PARP8: variants seen among roughly 807,000 people sequenced by gnomAD.
The protein encoded by PARP8 is protein mono-ADP-ribosyltransferase PARP8.
PARP8 carries 51 observed loss-of-function variants against 124.1 expected under a neutral mutation model. The observed-to-expected ratio is 0.41, with a 90% CI of 0.33 to 0.52. PARP8 has a LOEUF of 0.52. PARP8 is among the 20% of genes least tolerant of loss of function. The pLI, the probability that PARP8 is intolerant of heterozygous loss-of-function variation, is 0.21. For missense variants in PARP8, 860 were observed against 1,018.9 expected (o/e 0.84, Z 2.12); for synonymous variants, 391 against 361.5 (o/e 1.08, Z -0.93).
At position 50,795,174 on chromosome 5, in the gene PARP8, T is replaced by G; in HGVS notation, c.1185T>G (p.Cys395Trp). The change falls in exon 12 of 26, where the codon TGT (cysteine) becomes TGG (tryptophan). Residue 395 changes from cysteine to tryptophan, a missense_variant. Cys to Trp is a radical substitution (Grantham distance 215). Transcript: ENST00000281631. ...GATCTTGTTCTGGAGATCCACGATGTGAGCACAACACAAACTTGAAGCCCC... is the reference window on the plus strand; with the variant it reads ...GATCTTGTTCTGGAGATCCACGATGGGAGCACAACACAAACTTGAAGCCCC... Reference protein sequence around the residue: ...LTRSCSGDPRCEHNTNLKPHK... With the variant: ...LTRSCSGDPRWEHNTNLKPHK... 6 of 1,614,226 alleles carry G rather than the reference T, an allele frequency of 3.7e-6. 1 individual carries two copies. Among genetic ancestry groups the G allele is most frequent in the Non-Finnish European group, 3.4e-6 (4 of 1,180,032 alleles).
chr5:50,698,079 G>T (rs1451321479), intron 2 of PARP8, among the ~76,000 whole-genome samples: 3 of 152,126 alleles, frequency 2.0e-5, no homozygotes, highest in Non-Finnish European at 2.9e-5. Flanking sequence ...TACACATTTA[G>T]ATATGACTAT....
At chr5:50,743,392 G>T (rs1286390129) in intron 2 of PARP8, among the ~76,000 whole-genome samples, 2 of 152,060 alleles carry the variant, frequency 1.3e-5, no homozygotes, top group African/African-American at 2.4e-5. Context: ...TTTGGGAACT[G>T]AATGGCATTA....
intron 17 of PARP8, among the ~76,000 whole-genome samples, chr5:50,822,624 AACTCGG>A (rs1745891160): frequency 2.6e-5 from 4 of 152,186 alleles, no homozygotes; most frequent in African/African-American, 9.7e-5. Context: ...TCTGCCCTCA[AACTCGG>A]GCAAGAGCTT....
intron 25 of PARP8, among the ~76,000 whole-genome samples, chr5:50,840,505 AG>A (rs895612944): frequency 1.3e-5 from 2 of 151,874 alleles, no homozygotes; most frequent in African/African-American, 4.8e-5. Context: ...TAGCAGTCCT[AG>A]GGTCAAAAAA....
intron 7 of PARP8, among the ~76,000 whole-genome samples, chr5:50,767,873 T>C (rs1761208940): frequency 6.6e-6 from 1 of 152,230 alleles, no homozygotes; most frequent in East Asian, 1.9e-4. Flanking sequence ...AAGGTGTATG[T>C]ATCTTCACAA....
At chr5:50,799,814 G>T (rs1742993830) in intron 14 of PARP8, among the ~76,000 whole-genome samples, 1 of 152,114 alleles carries the variant, frequency 6.6e-6, no homozygotes, top group Non-Finnish European at 1.5e-5. Flanking sequence ...AGAGCACAAA[G>T]AGCTCTCTCA....
chr5:50,804,571 A>G (rs1254377041), intron 14 of PARP8, among the ~76,000 whole-genome samples: 1 of 152,196 alleles, frequency 6.6e-6, no homozygotes, highest in Non-Finnish European at 1.5e-5. Flanking sequence ...TGGAAACAAA[A>G]TACATCATTC....
At chr5:50,726,505 C>T (rs530923900) in intron 2 of PARP8, among the ~76,000 whole-genome samples, 2 of 152,246 alleles carry the variant, frequency 1.3e-5, no homozygotes, top group Admixed American at 1.3e-4. Flanking sequence ...CATCACTAAC[C>T]ACTGTAAAGC....
At chr5:50,700,020 G>C (rs1753425774) in intron 2 of PARP8, among the ~76,000 whole-genome samples, 2 of 152,096 alleles carry the variant, frequency 1.3e-5, no homozygotes, top group African/African-American at 4.8e-5. Flanking sequence ...AAGTAAACTA[G>C]ACTAAATAGT....
At chr5:50,822,807 G>A (rs1242606547) in intron 17 of PARP8, among the ~76,000 whole-genome samples, 4 of 152,160 alleles carry the variant, frequency 2.6e-5, no homozygotes. Context: ...TTTATATAAT[G>A]CAAAATCCCA....
chr5:50,826,090 C>A (rs980263852), intron 18 of PARP8, among the ~76,000 whole-genome samples: 1 of 151,856 alleles, frequency 6.6e-6, no homozygotes, highest in African/African-American at 2.4e-5. Context: ...TAGTTGCTTT[C>A]TTTTTTTCCT....
intron 1 of PARP8, 73 bp from the exon 2 acceptor site, chr5:50,667,998 G>A: frequency 6.2e-7 from 1 of 1,609,116 alleles, no homozygotes; most frequent in Admixed American, 1.7e-5. Flanking sequence ...CACCGAATGT[G>A]GGGCTCAAGT....
At position 50,846,090 on chromosome 5, in the gene PARP8, AATAGTGCTTATTTAC is replaced by A. The variant is rs1187286216; in HGVS notation, c.*4028_*4042del. On this transcript the variant is annotated 3_prime_UTR_variant, in exon 26 of 26. Transcript: ENST00000281631. Reference sequence around the variant, plus strand: ...CACATTTACCAGCAAGTCAGTAAAAAATAGTGCTTATTTACATAGTCAATATAATTTAATGTTCTA... The same window carrying A: ...CACATTTACCAGCAAGTCAGTAAAAAATAGTCAATATAATTTAATGTTCTA... 2 of 151,836 alleles carry A rather than the reference AATAGTGCTTATTTAC, an allele frequency of 1.3e-5. No individual in the cohort carries two copies. The highest frequency in any genetic ancestry group is 4.8e-5 in the African/African-American group (2 of 41,406). 9.4% of individuals were successfully genotyped at this position (151,836 alleles called of 1,614,324 possible). A position where few individuals can be genotyped will look rare whatever the true frequency, so the allele number is the denominator to read the frequency against.
intron 14 of PARP8, among the ~76,000 whole-genome samples, chr5:50,812,697 G>T (rs1274276277): frequency 4.0e-5 from 6 of 150,758 alleles, no homozygotes; most frequent in African/African-American, 1.5e-4. Flanking sequence ...GTATTGCCTA[G>T]GTTTTCTTCT....
intron 14 of PARP8, among the ~76,000 whole-genome samples, chr5:50,800,028 C>G (rs1300542013): frequency 2.0e-5 from 3 of 152,138 alleles, no homozygotes; most frequent in Admixed American, 2.0e-4. Flanking sequence ...CCGGAATAGA[C>G]CAAGACATCA....
chr5:50,712,401 G>A (rs1352071677), intron 2 of PARP8, among the ~76,000 whole-genome samples: 1 of 152,036 alleles, frequency 6.6e-6, no homozygotes, highest in Non-Finnish European at 1.5e-5. Flanking sequence ...TTATTGTACC[G>A]TTGATGGCAG....
intron 11 of PARP8, 92 bp downstream of exon 11, chr5:50,794,424 C>A: frequency 7.0e-7 from 1 of 1,429,814 alleles, no homozygotes; most frequent in Non-Finnish European, 9.4e-7. Flanking sequence ...GTGTTGGCAT[C>A]TGTTTATTTT....
At chr5:50,706,153 A>G (rs1450183683) in intron 2 of PARP8, among the ~76,000 whole-genome samples, 3 of 152,146 alleles carry the variant, frequency 2.0e-5, no homozygotes, top group Non-Finnish European at 4.4e-5. Flanking sequence ...TAAAATTGGT[A>G]TCAGTGTTAT....
intron 2 of PARP8, among the ~76,000 whole-genome samples, chr5:50,727,667 A>T (rs1756564718): frequency 6.6e-6 from 1 of 152,160 alleles, no homozygotes; most frequent in Admixed American, 6.5e-5. Flanking sequence ...TTCTACATTT[A>T]ATTTGGAACT....
Sources: gnomAD v4.1 joint callset for allele counts (sites outside exome capture counted in the v4.1 genomes callset) on GRCh38, gnomAD v4.1.1 for gene constraint, MANE v1.5 for transcripts, NCBI Gene and HGNC (gene_info 2026-07-23, HGNC 2026-07-21) for gene names.